NPC1: variants seen among roughly 807,000 people sequenced by gnomAD.
NPC1 encodes the protein Niemann-Pick C1 protein.
A neutral mutation model predicts 140.4 loss-of-function variants in NPC1; 85 were observed. The observed-to-expected ratio is 0.61, with a 90% CI of 0.51 to 0.72. The LOEUF is 0.72. Among genes scored for constraint, NPC1 ranks in the 30% least tolerant of loss-of-function variants. The pLI is 0.00. For synonymous variants in NPC1, 656 were observed against 624.8 expected, an observed-to-expected ratio of 1.05 and a Z score of -0.74; for missense variants, 1,504 against 1,623.8, an observed-to-expected ratio of 0.93 and a Z score of 1.27.
At chr18:23,526,882 C>T, downstream of NPC1, 3 of 1,378,268 alleles carry the variant, frequency 2.2e-6, no homozygotes, top group Non-Finnish European at 2.9e-6. Context: ...CAGCCTCATT[C>T]TTTATGTGAG....
intron 3 of NPC1, among the ~76,000 whole-genome samples, chr18:23,515,355 C>G (rs1419694843): frequency 6.6e-6 from 1 of 152,144 alleles, no homozygotes; most frequent in Non-Finnish European, 1.5e-5. Flanking sequence ...ATGCCTGCCT[C>G]TCAGTCGTGG....
chr18:23,571,488 C>T (rs1422202008), intron 3 of NPC1, among the ~76,000 whole-genome samples: 1 of 152,050 alleles, frequency 6.6e-6, no homozygotes, highest in African/African-American at 2.4e-5. Flanking sequence ...GAAACCCCAC[C>T]TCTACTAAAA....
intron 1 of NPC1, among the ~76,000 whole-genome samples, chr18:23,580,403 T>A (rs2059343294): frequency 6.6e-6 from 1 of 152,204 alleles, no homozygotes; most frequent in South Asian, 2.1e-4. Context: ...TCCATGATGA[T>A]CCTATACAAG....
intron 1 of NPC1, chr18:23,576,454 C>T (rs896229340): frequency 5.2e-5 from 51 of 985,880 alleles, no homozygotes; most frequent in Non-Finnish European, 6.0e-5. Context: ...AAGAAGCAAC[C>T]TAAGCCAGCA....
chr18:23,543,621 C>G (rs1320447633), intron 13 of NPC1, 52 bp from the exon 14 acceptor site: 1 of 1,068,470 alleles, frequency 9.4e-7, no homozygotes, highest in Admixed American at 1.8e-5. Context: ...TCAATAACAA[C>G]GCCATTTCTT....
chr18:23,532,185 G>C lies in NPC1; in HGVS notation c.*17C>G, dbSNP rs750462890. The stretch of plus-strand genomic sequence containing the variant: ...CGACCCTTAGACACAGTTCAGTCAG[G>C]ATGCCCTGCGAGAGGGCTAGAAATT... On this transcript the variant is annotated 3_prime_UTR_variant, in exon 25 of 25. Transcript: ENST00000269228. 2.5e-6 allele frequency: 4 copies of C among 1,614,074 alleles called. No individual in the cohort carries two copies. Among genetic ancestry groups the C allele is most frequent in the Non-Finnish European group, 3.4e-6 (4 of 1,180,012 alleles).
intron 16 of NPC1, among the ~76,000 whole-genome samples, chr18:23,540,862 A>G (rs1430459173): frequency 1.3e-5 from 2 of 152,254 alleles, no homozygotes; most frequent in Non-Finnish European, 2.9e-5. Context: ...TTTCAAAATA[A>G]AAAACTTAAA....
At chr18:23,554,601 G>A (rs1447844491) in intron 9 of NPC1, among the ~76,000 whole-genome samples, 157 bp downstream of exon 9, 1 of 102,296 alleles carries the variant, frequency 9.8e-6, no homozygotes, top group African/African-American at 4.7e-5. Context: ...GCGAGACCCT[G>A]TCTCAAAAAA....
At position 23,536,789 on chromosome 18, in the gene NPC1, G is replaced by A. The variant is rs750054620; in HGVS notation, c.3129C>T (p.Thr1043=). ...TAAAGTCAGCAGAGGTCTGCAGCAC[G>A]GTGTGGTAGGTCATGAAGTACGTGG... ...VGATYFMTYH[T]VLQTSADFID... Residue 1043 remains threonine, a synonymous_variant, in exon 21 of 25, where the codon ACC becomes ACT. Coordinates refer to ENST00000269228, the MANE Select transcript of NPC1 (RefSeq NM_000271.5). 98 of 1,614,030 alleles carry A rather than the reference G, an allele frequency of 6.1e-5. No individual in the cohort carries two copies. The highest frequency in any genetic ancestry group is 7.7e-5 in the Non-Finnish European group (91 of 1,180,002).
In NPC1 at chr18:23,543,572, T is replaced by TAAAAAA; in HGVS notation, c.2131-9_2131-4dup. ...TCCCCTTGAAGACGTTCATCTCTCT[T>TAAAAAA]AAAAAAAAAAAAAAAAAATTATGCG... On this transcript the variant is annotated splice_region_variant and splice_polypyrimidine_tract_variant and intron_variant, in intron 13 of 24. Transcript: ENST00000269228. The TAAAAAA allele has an allele frequency of 8.3e-7, 1 of 1,205,268 alleles. No individual in the cohort carries two copies. The highest frequency in any genetic ancestry group is 1.3e-5 in the South Asian group (1 of 76,280). 74.7% of individuals were successfully genotyped at this position (1,205,268 alleles called of 1,614,324 possible).
chr18:23,520,814 CA>C (rs1444738659), downstream of NPC1, among the ~76,000 whole-genome samples: 1 of 152,116 alleles, frequency 6.6e-6, no homozygotes, highest in Admixed American at 6.6e-5. Flanking sequence ...AGATAAGGTT[CA>C]AGTGATTCTC....
At chr18:23,557,627 C>T (rs140332657) in intron 6 of NPC1, among the ~76,000 whole-genome samples, 49 of 152,140 alleles carry the variant, frequency 3.2e-4, no homozygotes, top group African/African-American at 9.4e-4. Context: ...TGTGGTGGCA[C>T]GTGCCTTGGG....
At chr18:23,530,176 A>G (rs752277304), downstream of NPC1, 4 of 1,613,726 alleles carry the variant, frequency 2.5e-6, no homozygotes, top group East Asian at 6.7e-5. Context: ...TTAAAAATGG[A>G]AAATTTTAAC....
Position 23,573,559 on chromosome 18 carries a change from A to G in NPC1, c.73T>C (p.Cys25Arg). The G allele has an allele frequency of 6.2e-7, 1 of 1,614,188 alleles. No individual in the cohort carries two copies. Among genetic ancestry groups the G allele is most frequent in the Non-Finnish European group, 8.5e-7 (1 of 1,180,012 alleles). The part of the protein sequence containing the change: ...LCPAQVFSQS[C>R]VWYGECGIAY... ...ATTCCACACTCTCCATACCAAACACAGGACTGTGAAAACACCTACAGAAAG... is the reference window on the plus strand; with the variant it reads ...ATTCCACACTCTCCATACCAAACACGGGACTGTGAAAACACCTACAGAAAG... Residue 25 changes from cysteine (C) to arginine (R), a missense_variant, in exon 2 of 25, where the codon TGT becomes CGT. Coordinates refer to ENST00000269228, the MANE Select transcript of NPC1 (RefSeq NM_000271.5).
chr18:23,528,000 A>T (rs1366259671), downstream of NPC1: 1 of 1,013,834 alleles, frequency 9.9e-7, no homozygotes, highest in African/African-American at 1.7e-5. Flanking sequence ...ATATATTAGA[A>T]TAAGGTCGCT....
chr18:23,522,280 T>C (rs997681429), downstream of NPC1: 4 of 152,222 alleles, frequency 2.6e-5, no homozygotes, highest in Non-Finnish European at 5.9e-5. Context: ...ATTGAAAGAA[T>C]AGATTTTGCC....
chr18:23,582,810 A>G (rs970585236), intron 1 of NPC1, among the ~76,000 whole-genome samples: 1 of 150,412 alleles, frequency 6.6e-6, no homozygotes, highest in African/African-American at 2.4e-5. Context: ...GGTCTTGAAA[A>G]AAAAAAAAAA....
chr18:23,581,757 C>T (rs932781763), intron 1 of NPC1, among the ~76,000 whole-genome samples: 12 of 152,052 alleles, frequency 7.9e-5, no homozygotes, highest in Admixed American at 6.6e-5. Flanking sequence ...GCAACTCTCC[C>T]GACTATTTTC....
downstream of NPC1, chr18:23,524,418 A>G (rs1239586255): frequency 1.1e-5 from 17 of 1,613,776 alleles, no homozygotes; most frequent in East Asian, 2.2e-5. Flanking sequence ...AGAATTTCCT[A>G]TAACATGTGG....
Sources: allele counts gnomAD v4.1 joint callset (sites outside exome capture counted in the v4.1 genomes callset), GRCh38; gene constraint gnomAD v4.1.1; transcripts MANE v1.5; gene names NCBI Gene and HGNC (gene_info 2026-07-23, HGNC 2026-07-21).